HIP1: variants seen among roughly 807,000 people sequenced by gnomAD.
The protein encoded by HIP1 is huntingtin-interacting protein 1.
Under a neutral mutation model 147.6 loss-of-function variants are expected in HIP1, and 65 were observed. The ratio of observed to expected loss-of-function variants is 0.44; its 90% CI spans 0.36 to 0.54. The LOEUF (loss-of-function observed/expected upper bound fraction) is 0.54, where lower values mean the gene tolerates loss of function less well. HIP1 is among the 20% of genes least tolerant of loss of function. The pLI is 0.00. For synonymous variants in HIP1, 479 were observed against 504.0 expected (o/e 0.95, Z 0.67); for missense variants, 1,061 against 1,299.6 (o/e 0.82, Z 2.82).
At position 75,543,440 on chromosome 7, in the gene HIP1, C is replaced by G. The variant is rs782523941; in HGVS notation, c.2767-466G>C. ...GATCTTAGCTCACTGCAACCTCCAC[C>G]TCCCAGGTTCAAGCAATTCTCCTGC... On this transcript the variant is annotated intron_variant, in intron 27 of 30. Coordinates refer to ENST00000336926, the MANE Select transcript of HIP1 (RefSeq NM_005338.7). Among the ~76,000 whole-genome samples the G allele has an allele frequency of 4.6e-4, 70 of 152,074 alleles. 1 individual carries two copies. The highest frequency in any genetic ancestry group is 5.3e-4 in the Non-Finnish European group (36 of 68,028).
At chr7:75,698,101 G>A (rs572142550) in intron 1 of HIP1, among the ~76,000 whole-genome samples, 1 of 152,262 alleles carries the variant, frequency 6.6e-6, no homozygotes, top group South Asian at 2.1e-4. Context: ...TTATAGGCAT[G>A]AGCCACCATG....
intron 1 of HIP1, among the ~76,000 whole-genome samples, chr7:75,722,623 C>CT (rs1801534054): frequency 6.6e-6 from 1 of 152,194 alleles, no homozygotes; most frequent in African/African-American, 2.4e-5. Context: ...GGGGAAGCAC[C>CT]TATTTACTTC....
intron 1 of HIP1, among the ~76,000 whole-genome samples, chr7:75,600,691 G>C (rs1796941514): frequency 6.6e-6 from 1 of 151,952 alleles, no homozygotes; most frequent in South Asian, 2.1e-4. Flanking sequence ...TCTACATCTT[G>C]GTTTTCTTGA....
Position 75,535,090 on chromosome 7 carries a change from G to T in HIP1, c.*3082C>A, listed in dbSNP as rs1316241664. On this transcript the variant is annotated 3_prime_UTR_variant, in exon 31 of 31. Coordinates refer to ENST00000336926, the MANE Select transcript of HIP1 (RefSeq NM_005338.7). ...CATTCTAATCTGAGCTATTACGAAAGTAATTATGTGACATCTGACAGCTAC... is the reference window on the plus strand; with the variant it reads ...CATTCTAATCTGAGCTATTACGAAATTAATTATGTGACATCTGACAGCTAC... The T allele has an allele frequency of 4.7e-6, 1 of 214,394 alleles. No individual in the cohort carries two copies. The highest frequency in any genetic ancestry group is 1.5e-3 in the Middle Eastern group (1 of 680). 13.3% of individuals were successfully genotyped at this position (214,394 alleles called of 1,614,324 possible).
intron 1 of HIP1, among the ~76,000 whole-genome samples, chr7:75,730,078 T>C (rs1389656919): frequency 6.6e-6 from 1 of 151,820 alleles, no homozygotes; most frequent in Non-Finnish European, 1.5e-5. Flanking sequence ...AGTTGTCCAG[T>C]GGGAAGTGGT....
intron 1 of HIP1, among the ~76,000 whole-genome samples, chr7:75,605,365 G>C (rs185406804): frequency 6.6e-6 from 1 of 152,190 alleles, no homozygotes; most frequent in African/African-American, 2.4e-5. Context: ...GGCCGGGGGG[G>C]ATGGAGGAGA....
At chr7:75,665,739 C>T (rs1438122345) in intron 1 of HIP1, among the ~76,000 whole-genome samples, 1 of 152,038 alleles carries the variant, frequency 6.6e-6, no homozygotes, top group Admixed American at 6.6e-5. Context: ...CGGGGTTTTG[C>T]TATGTTGGCC....
At chr7:75,637,002 A>G (rs1476348251) in intron 1 of HIP1, among the ~76,000 whole-genome samples, 1 of 152,056 alleles carries the variant, frequency 6.6e-6, no homozygotes, top group Non-Finnish European at 1.5e-5. Flanking sequence ...CCCAACCTCC[A>G]AGGGCCAACT....
chr7:75,723,566 GTCCCCGTC>G (rs113947731), intron 1 of HIP1, among the ~76,000 whole-genome samples: 22,249 of 152,010 alleles, frequency 0.15, 1,781 homozygotes, highest in Middle Eastern at 0.22. Flanking sequence ...CAGGCCCGAG[GTCCCCGTC>G]TCCTTGCTGG....
rs782360319 is a variant in HIP1 at position 75,535,669 on chromosome 7, A to G, written c.*2503T>C. ...GCCACTGTGCCCGGCTGGGCAGAGA[A>G]TCTTAATTTGATCCATTACACTAGA... On this transcript the variant is annotated 3_prime_UTR_variant, in exon 31 of 31. Coordinates refer to ENST00000336926, the MANE Select transcript of HIP1 (RefSeq NM_005338.7). 9 of 178,392 alleles carry G rather than the reference A, an allele frequency of 5.0e-5. No individual in the cohort carries two copies. Among genetic ancestry groups the G allele is most frequent in the Non-Finnish European group, 1.1e-4 (9 of 83,894 alleles). 11.1% of individuals were successfully genotyped at this position (178,392 alleles called of 1,614,324 possible).
At position 75,582,241 on chromosome 7, in the gene HIP1, G is replaced by C. The variant is rs1796084464; in HGVS notation, c.466-90C>G. On this transcript the variant is annotated intron_variant, in intron 5 of 30. Transcript: ENST00000336926. ...GTGGTGGCACACGCCTGTGGTCCCA[G>C]CTACTTGGGAGGCCGAGGTGGGAGG... 2.9e-6 allele frequency: 3 copies of C among 1,022,458 alleles called. No individual in the cohort carries two copies. In the East Asian group the frequency reaches 7.3e-5, roughly 25 times the overall value. 63.3% of individuals were successfully genotyped at this position (1,022,458 alleles called of 1,614,324 possible).
chr7:75,695,581 T>C (rs77749277), intron 1 of HIP1, among the ~76,000 whole-genome samples: 1 of 151,392 alleles, frequency 6.6e-6, no homozygotes, highest in Non-Finnish European at 1.5e-5. Context: ...TTTTTTGTTG[T>C]TGTCTGTTTT....
At chr7:75,646,110 C>T (rs888740224) in intron 1 of HIP1, among the ~76,000 whole-genome samples, 1 of 151,974 alleles carries the variant, frequency 6.6e-6, no homozygotes, top group Non-Finnish European at 1.5e-5. Flanking sequence ...GATAGAGTCT[C>T]GCTCTGTTAC....
intron 1 of HIP1, among the ~76,000 whole-genome samples, chr7:75,645,407 A>G (rs1216943280): frequency 6.6e-6 from 1 of 151,944 alleles, no homozygotes; most frequent in African/African-American, 2.4e-5. Context: ...GTGTATTTTT[A>G]GTAGAGACGG....
chr7:75,676,026 G>T (rs980348758), intron 1 of HIP1, among the ~76,000 whole-genome samples: 1 of 151,972 alleles, frequency 6.6e-6, no homozygotes, highest in African/African-American at 2.4e-5. Flanking sequence ...CACAATTTTT[G>T]TTCAAAACCG....
chr7:75,656,461 C>T (rs1799145501), intron 1 of HIP1, among the ~76,000 whole-genome samples: 1 of 151,572 alleles, frequency 6.6e-6, no homozygotes, highest in South Asian at 2.1e-4. Context: ...AATATGTTTC[C>T]AACTTTAGTA....
At chr7:75,552,865 T>A (rs898499001) in intron 22 of HIP1, among the ~76,000 whole-genome samples, 4 of 107,726 alleles carry the variant, frequency 3.7e-5, no homozygotes, top group Admixed American at 3.6e-4. Flanking sequence ...CCTTTTTAAA[T>A]TTTTTTTTTT....
At chr7:75,669,502 C>A (rs1554515036) in intron 1 of HIP1, among the ~76,000 whole-genome samples, 1 of 152,148 alleles carries the variant, frequency 6.6e-6, no homozygotes, top group African/African-American at 2.4e-5. Flanking sequence ...GCAGAGGTTG[C>A]AGTCAGCCAA....
intron 1 of HIP1, among the ~76,000 whole-genome samples, chr7:75,632,103 A>T (rs1233731526): frequency 6.6e-6 from 1 of 152,192 alleles, no homozygotes; most frequent in Non-Finnish European, 1.5e-5. Context: ...TGTGAGGAAG[A>T]AAATAATCCA....
Sources: allele counts gnomAD v4.1 joint callset (sites outside exome capture counted in the v4.1 genomes callset), GRCh38; gene constraint gnomAD v4.1.1; transcripts MANE v1.5; gene names NCBI Gene and HGNC (gene_info 2026-07-23, HGNC 2026-07-21).